Variants in PRKCQ observed in about 807,000 individuals in gnomAD.
PRKCQ encodes protein kinase C theta type.
A neutral mutation model predicts 91.2 loss-of-function variants in PRKCQ; 41 were observed. That is an observed-to-expected ratio of 0.45 (90% CI 0.35 to 0.58). The LOEUF is 0.58. Among genes scored for constraint, PRKCQ ranks in the 20% least tolerant of loss-of-function variants. PRKCQ has a pLI of 0.00. For synonymous variants in PRKCQ, 307 were observed against 316.9 expected, an observed-to-expected ratio of 0.97 and a Z score of 0.33; for missense variants, 673 against 896.5, an observed-to-expected ratio of 0.75 and a Z score of 3.18.
chr10:6,567,733 G>T (rs527500498), intron 1 of PRKCQ, among the ~76,000 whole-genome samples: 4 of 152,122 alleles, frequency 2.6e-5, no homozygotes, highest in Non-Finnish European at 4.4e-5. Flanking sequence ...TTCTTTGAAA[G>T]ATTATGTTTT....
At chr10:6,543,454 A>G (rs542044293) in intron 1 of PRKCQ, among the ~76,000 whole-genome samples, 1 of 152,210 alleles carries the variant, frequency 6.6e-6, no homozygotes, top group African/African-American at 2.4e-5. Flanking sequence ...GGGAGGAAGA[A>G]GTCAGAAATG....
At chr10:6,472,608 T>C (rs1457444353) in intron 12 of PRKCQ, among the ~76,000 whole-genome samples, 1 of 152,272 alleles carries the variant, frequency 6.6e-6, no homozygotes, top group African/African-American at 2.4e-5. Flanking sequence ...TTACAACTTC[T>C]GTTTCTCAGA....
the PRKCQ span, among the ~76,000 whole-genome samples, chr10:6,412,950 TTTTTTA>T: frequency 1.9e-4 from 20 of 103,856 alleles, no homozygotes; most frequent in African/African-American, 7.3e-4. Flanking sequence ...TACAATTTTA[TTTTTTA>T]TTTTTATTTT....
At chr10:6,566,089 C>A (rs932663355) in intron 1 of PRKCQ, among the ~76,000 whole-genome samples, 4 of 152,178 alleles carry the variant, frequency 2.6e-5, no homozygotes, top group African/African-American at 9.7e-5. Context: ...TTCAGAGAAA[C>A]TTGGTTATCA....
chr10:6,548,626 G>C (rs11259505), intron 1 of PRKCQ, among the ~76,000 whole-genome samples: 132,211 of 142,630 alleles, frequency 0.93, 61,573 homozygotes, highest in East Asian at 1. Context: ...AGTAAACTAT[G>C]GCAAGAACAA....
Position 6,501,917 on chromosome 10 carries a change from G to A in PRKCQ, c.380-3359C>T, listed in dbSNP as rs183822524. 7.4e-3 allele frequency among the ~76,000 whole-genome samples: 1,132 copies of A among 152,284 alleles called. 53 individuals are homozygous for A. Among genetic ancestry groups the A allele is most frequent in the East Asian group, 2.3e-3 (12 of 5,190 alleles). On this transcript the variant is annotated intron_variant, in intron 4 of 17. Transcript: ENST00000263125. ...GCAAGGTCAACCTCCCAGAATCAGA[G>A]GAGATTGAGGCATCCCCAGAAACCA...
At chr10:6,490,878 G>T (rs1210603287) in intron 8 of PRKCQ, among the ~76,000 whole-genome samples, 3 of 148,846 alleles carry the variant, frequency 2.0e-5, no homozygotes, top group East Asian at 4.0e-4. Flanking sequence ...AGAGTGCCTT[G>T]TCAGTTCTTG....
chr10:6,482,300 CAAG>C (rs1359181843), intron 11 of PRKCQ, among the ~76,000 whole-genome samples: 1 of 152,082 alleles, frequency 6.6e-6, no homozygotes, highest in Non-Finnish European at 1.5e-5. Flanking sequence ...GGTGTTTTCA[CAAG>C]AAGAGAAAAT....
chr10:6,472,243 G>C (rs921277144), intron 12 of PRKCQ, among the ~76,000 whole-genome samples: 1 of 152,130 alleles, frequency 6.6e-6, no homozygotes, highest in African/African-American at 2.4e-5. Context: ...GGGAGGCAGA[G>C]CTTGCAGTGA....
At chr10:6,483,306 C>A in intron 11 of PRKCQ, 134 bp downstream of exon 11, 1 of 1,179,358 alleles carries the variant, frequency 8.5e-7, no homozygotes, top group Non-Finnish European at 1.2e-6. Flanking sequence ...ATTTATTCAG[C>A]GCTCCCTCAG....
rs1359686442 is a variant in PRKCQ, at chr10:6,544,984, G to T, written c.-9-29840C>A. On this transcript the variant is annotated intron_variant, in intron 1 of 17. Coordinates refer to ENST00000263125, the MANE Select transcript of PRKCQ (RefSeq NM_006257.5). ...CAAAGTCTGCTATTATTTCCTTTCT[G>T]TTTTTTTTTTTTTTAATCTATAGGG... 9.0e-5 allele frequency among the ~76,000 whole-genome samples: 13 copies of T among 144,838 alleles called. No homozygotes were observed. The East Asian group carries it at 2.6e-3, about 29-fold the overall frequency.
intron 15 of PRKCQ, among the ~76,000 whole-genome samples, chr10:6,444,434 TAAAAAC>T (rs1476606294): frequency 6.6e-6 from 1 of 151,994 alleles, no homozygotes; most frequent in Non-Finnish European, 1.5e-5. Flanking sequence ...TTCCCACAAT[TAAAAAC>T]AAAACCCTAG....
chr10:6,510,169 A>G (rs1346918208), intron 3 of PRKCQ, among the ~76,000 whole-genome samples: 2 of 152,250 alleles, frequency 1.3e-5, no homozygotes, highest in African/African-American at 4.8e-5. Context: ...ATTTCAGATC[A>G]TGTAAAAGCA....
intron 1 of PRKCQ, among the ~76,000 whole-genome samples, chr10:6,540,540 T>A (rs1839737912): frequency 6.6e-6 from 1 of 152,244 alleles, no homozygotes; most frequent in Admixed American, 6.5e-5. Context: ...TTAAGGTTCA[T>A]CTGTGTCGTA....
the PRKCQ span, among the ~76,000 whole-genome samples, chr10:6,400,163 T>C: frequency 1.3e-5 from 2 of 152,234 alleles, no homozygotes; most frequent in Non-Finnish European, 2.9e-5. Flanking sequence ...CTTGGTGTTC[T>C]CTACCTGAGT....
chr10:6,460,980 GT>G (rs1835301852), intron 14 of PRKCQ, among the ~76,000 whole-genome samples: 1 of 147,660 alleles, frequency 6.8e-6, no homozygotes, highest in African/African-American at 2.5e-5. Flanking sequence ...CCACCCATCT[GT>G]TCATCCATTC....
Position 6,497,294 on chromosome 10 carries a change from A to C in PRKCQ, c.543-43T>G. ...CTGATTTATTTCAATGTTGGCATCAACATCAGCACCAACAGCATTTAAGAG... is the reference window on the plus strand; with the variant it reads ...CTGATTTATTTCAATGTTGGCATCACCATCAGCACCAACAGCATTTAAGAG... On this transcript the variant is annotated intron_variant, in intron 5 of 17. Coordinates refer to ENST00000263125, the MANE Select transcript of PRKCQ (RefSeq NM_006257.5). The surrounding 1 kb of genome is among the most constrained non-coding windows in gnomAD (Gnocchi z 4.5). The C allele has an allele frequency of 1.9e-6, 3 of 1,612,214 alleles. No homozygotes were observed. In the East Asian group the frequency reaches 6.7e-5, roughly 36 times the overall value.
In PRKCQ at chr10:6,450,225, A is replaced by G. The variant is rs536796364; in HGVS notation, c.1647+6449T>C. Among the ~76,000 whole-genome samples the G allele has an allele frequency of 6.7e-5, 10 of 150,130 alleles. No homozygotes were observed. In the East Asian group the frequency reaches 1.9e-3, roughly 29 times the overall value. Reference sequence around the variant, plus strand: ...AGAGACACACATAGGCTCAAAATAAAAGGATGGAGGAAGATCTACCAAGCA... The same window carrying G: ...AGAGACACACATAGGCTCAAAATAAGAGGATGGAGGAAGATCTACCAAGCA... On this transcript the variant is annotated intron_variant, in intron 15 of 17. Coordinates refer to ENST00000263125, the MANE Select transcript of PRKCQ (RefSeq NM_006257.5).
At chr10:6,505,896 T>G (rs1838181328) in intron 4 of PRKCQ, among the ~76,000 whole-genome samples, 1 of 152,166 alleles carries the variant, frequency 6.6e-6, no homozygotes, top group Non-Finnish European at 1.5e-5. Flanking sequence ...TCTGCCCACC[T>G]CGGCCTCCCA....
Sources: gnomAD v4.1 joint callset for allele counts (sites outside exome capture counted in the v4.1 genomes callset) on GRCh38, gnomAD v4.1.1 for gene constraint, Gnocchi (gnomAD v3.1) non-coding constraint, MANE v1.5 for transcripts, NCBI Gene and HGNC (gene_info 2026-07-23, HGNC 2026-07-21) for gene names.